The following ELOVL7 variants were observed in gnomAD, a reference collection of about 807,000 sequenced individuals.
ELOVL7 encodes very long chain fatty acid elongase 7.
ELOVL7 carries 27 observed loss-of-function variants against 35.7 expected under a neutral mutation model. The ratio of observed to expected loss-of-function variants is 0.76; its 90% CI spans 0.56 to 1.04. ELOVL7 has a LOEUF of 1.04. ELOVL7 is among the 50% of genes least tolerant of loss of function. ELOVL7 has a pLI of 0.00. For missense variants in ELOVL7, 327 were observed against 340.8 expected, an observed-to-expected ratio of 0.96 and a Z score of 0.32; for synonymous variants, 113 against 114.6, an observed-to-expected ratio of 0.99 and a Z score of 0.09.
intron 8 of ELOVL7, among the ~76,000 whole-genome samples, chr5:60,755,975 G>A (rs989322123): frequency 2.0e-5 from 3 of 152,174 alleles, no homozygotes; most frequent in African/African-American, 7.2e-5. Flanking sequence ...TTTTATCCTT[G>A]TCATCATCAA....
intron 4 of ELOVL7, among the ~76,000 whole-genome samples, 175 bp downstream of exon 4, chr5:60,771,728 A>G (rs376000762): frequency 4.6e-5 from 7 of 152,344 alleles, no homozygotes; most frequent in African/African-American, 9.6e-5. Context: ...AGATCCTCAA[A>G]TGAGTTTATT....
chr5:60,755,556 C>T (rs1741491311), intron 8 of ELOVL7, among the ~76,000 whole-genome samples: 1 of 152,146 alleles, frequency 6.6e-6, no homozygotes, highest in Admixed American at 6.5e-5. Flanking sequence ...ACTCAGGAGG[C>T]TGAGGCAGGA....
At chr5:60,823,327 G>A (rs1176660024) in intron 1 of ELOVL7, among the ~76,000 whole-genome samples, 2 of 152,054 alleles carry the variant, frequency 1.3e-5, no homozygotes, top group African/African-American at 4.8e-5. Flanking sequence ...CTTCTCCAGA[G>A]CCTAAGTCTG....
chr5:60,757,641 A>G lies in ELOVL7; in HGVS notation c.504T>C (p.Gly168=). Residue 168 remains glycine (G), a synonymous_variant, in exon 8 of 9, where the codon GGT becomes GGC. Coordinates refer to ENST00000508821, the MANE Select transcript of ELOVL7 (RefSeq NM_024930.3). ...TTAGAAGGGCATGGAATGTTCCCAA[A>G]CCACCTGGAAAATAAAATTATTGTA... is the stretch of plus-strand genomic sequence containing the variant. ...WWFGVKFAAG[G]LGTFHALLNT... 1 of 1,542,942 alleles carries G rather than the reference A, an allele frequency of 6.5e-7. No individual in the cohort carries two copies. The highest frequency in any genetic ancestry group is 1.3e-5 in the South Asian group (1 of 78,018).
chr5:60,795,340 C>G (rs1490048405), intron 2 of ELOVL7, among the ~76,000 whole-genome samples: 1 of 152,142 alleles, frequency 6.6e-6, no homozygotes, highest in African/African-American at 2.4e-5. Context: ...TAACTCAGCT[C>G]ACACCCAACG....
chr5:60,833,751 T>C (rs1461417275), intron 1 of ELOVL7, among the ~76,000 whole-genome samples: 2 of 152,296 alleles, frequency 1.3e-5, no homozygotes, highest in African/African-American at 4.8e-5. Context: ...CCAGTTTCCT[T>C]GCTTATAACA....
intron 7 of ELOVL7, 38 bp downstream of exon 7, chr5:60,764,189 T>C (rs370138909): frequency 1.4e-4 from 190 of 1,362,866 alleles, no homozygotes; most frequent in Non-Finnish European, 1.8e-4. Flanking sequence ...TATAGAAATG[T>C]TGTTTATAAC....
chr5:60,800,278 T>C (rs1744526340), intron 1 of ELOVL7, among the ~76,000 whole-genome samples: 1 of 152,134 alleles, frequency 6.6e-6, no homozygotes, highest in Non-Finnish European at 1.5e-5. Context: ...AAAAGGATCA[T>C]TCACTATGAT....
intron 2 of ELOVL7, among the ~76,000 whole-genome samples, chr5:60,792,699 A>C (rs1214743980): frequency 1.3e-5 from 2 of 152,090 alleles, no homozygotes; most frequent in African/African-American, 4.8e-5. Flanking sequence ...AATTGGAGGG[A>C]GCAATTTACT....
intron 2 of ELOVL7, among the ~76,000 whole-genome samples, chr5:60,790,208 G>A (rs1458241606): frequency 6.6e-6 from 1 of 152,040 alleles, no homozygotes; most frequent in Non-Finnish European, 1.5e-5. Context: ...TATAAAAGGA[G>A]AAAAGTCTTA....
intron 1 of ELOVL7, among the ~76,000 whole-genome samples, chr5:60,809,470 G>C (rs1362732194): frequency 1.3e-5 from 2 of 152,174 alleles, no homozygotes; most frequent in Non-Finnish European, 2.9e-5. Flanking sequence ...GACGACTGAG[G>C]TTCTGAAGGA....
intron 3 of ELOVL7, among the ~76,000 whole-genome samples, chr5:60,772,857 A>G (rs905821293): frequency 1.1e-4 from 16 of 152,160 alleles, no homozygotes; most frequent in Non-Finnish European, 1.6e-4. Context: ...TTTATATATT[A>G]AAAAAAGTTT....
At position 60,781,234 on chromosome 5, in the gene ELOVL7, AAAAC is replaced by A. The variant is rs748953988; in HGVS notation, c.64+6096_64+6099del. On this transcript the variant is annotated intron_variant, in intron 3 of 8. Coordinates refer to ENST00000508821, the MANE Select transcript of ELOVL7 (RefSeq NM_024930.3). ...TCAGAAAAAAAAAAAAAAGGAAAGAAAAACAAAATACCAAAAGAAGACCTCTGGA... is the reference window on the plus strand; with the variant it reads ...TCAGAAAAAAAAAAAAAAGGAAAGAAAAAATACCAAAAGAAGACCTCTGGA... 1.0e-3 allele frequency among the ~76,000 whole-genome samples: 159 copies of A among 152,014 alleles called. 1 individual carries two copies. Among genetic ancestry groups the A allele is most frequent in the Middle Eastern group, 3.4e-3 (1 of 294 alleles).
At chr5:60,835,277 C>A (rs2112398235) in intron 1 of ELOVL7, among the ~76,000 whole-genome samples, 1 of 151,014 alleles carries the variant, frequency 6.6e-6, no homozygotes, top group East Asian at 1.9e-4. Flanking sequence ...ATAAACCATA[C>A]CTAGAACTTA....
intron 3 of ELOVL7, among the ~76,000 whole-genome samples, chr5:60,786,498 T>C (rs777926899): frequency 3.3e-5 from 5 of 152,212 alleles, no homozygotes; most frequent in African/African-American, 1.2e-4. Context: ...ATGGCATTAA[T>C]GTCTTCTGAA....
At chr5:60,772,548 G>A (rs1742661987) in intron 3 of ELOVL7, among the ~76,000 whole-genome samples, 2 of 152,156 alleles carry the variant, frequency 1.3e-5, no homozygotes, top group South Asian at 2.1e-4. Context: ...AGCATCCTGA[G>A]TATGCTAAGA....
chr5:60,780,547 C>G (rs1743185577), intron 3 of ELOVL7, among the ~76,000 whole-genome samples: 1 of 152,096 alleles, frequency 6.6e-6, no homozygotes, highest in Admixed American at 6.6e-5. Flanking sequence ...TCTGAGATAC[C>G]AATTTACTGT....
At chr5:60,807,795 C>T (rs1195358462) in intron 1 of ELOVL7, among the ~76,000 whole-genome samples, 4 of 151,398 alleles carry the variant, frequency 2.6e-5, no homozygotes, top group Non-Finnish European at 4.4e-5. Flanking sequence ...GTCAGGAGAT[C>T]GAGACCACCC....
Position 60,753,173 on chromosome 5 carries a change from C to T in ELOVL7, c.*1451G>A, listed in dbSNP as rs905070732. 3 of 151,458 alleles carry T rather than the reference C, an allele frequency of 2.0e-5. No individual in the cohort carries two copies. The highest frequency in any genetic ancestry group is 6.6e-5 in the Admixed American group (1 of 15,188). The allele number at this position is 151,458 out of a possible 1,614,324, so 9.4% of individuals were successfully genotyped here. ...TAAGTACTAATTGTTTAAAGTCCTA[C>T]AAACATAAACAGTGCTTCAAAATTG... On this transcript the variant is annotated 3_prime_UTR_variant, in exon 9 of 9. Transcript: ENST00000508821.
Sources: gnomAD v4.1 joint callset for allele counts (sites outside exome capture counted in the v4.1 genomes callset) on GRCh38, gnomAD v4.1.1 for gene constraint, MANE v1.5 for transcripts, NCBI Gene and HGNC (gene_info 2026-07-23, HGNC 2026-07-21) for gene names.